The following EHMT1 variants were observed in gnomAD, a reference collection of about 807,000 sequenced individuals.
The protein encoded by EHMT1 is euchromatic histone lysine methyltransferase 1.
Under a neutral mutation model 147.2 loss-of-function variants are expected in EHMT1, and 15 were observed. The observed-to-expected ratio is 0.10, with a 90% CI of 0.07 to 0.16. EHMT1 has a LOEUF of 0.16. Ranked by LOEUF, EHMT1 falls within the 10% of genes least tolerant of loss-of-function variation. EHMT1 has a pLI of 1.00. For missense variants in EHMT1, 1,587 were observed against 1,772.4 expected (o/e 0.90, Z 1.88); for synonymous variants, 795 against 709.6 (o/e 1.12, Z -1.91).
chr9:137,779,137 A>G (rs906566585), intron 13 of EHMT1, among the ~76,000 whole-genome samples: 5 of 152,218 alleles, frequency 3.3e-5, no homozygotes, highest in African/African-American at 4.8e-5. Context: ...GGTCCACACC[A>G]TATCAGTTAT....
intron 1 of EHMT1, among the ~76,000 whole-genome samples, chr9:137,694,919 A>AG (rs1943271958): frequency 6.6e-6 from 1 of 152,220 alleles, no homozygotes; most frequent in Non-Finnish European, 1.5e-5. Context: ...GCATCAGCAT[A>AG]TTAGTGGCGG....
chr9:137,641,160 C>T (rs1844457550), intron 1 of EHMT1: 1 of 412,328 alleles, frequency 2.4e-6, no homozygotes, highest in Non-Finnish European at 4.7e-6. Flanking sequence ...AACTCATCTG[C>T]ACCTGCGTCA....
At chr9:137,642,913 G>A (rs548956847) in intron 1 of EHMT1, among the ~76,000 whole-genome samples, 104 of 152,032 alleles carry the variant, frequency 6.8e-4, no homozygotes, top group Non-Finnish European at 1.2e-3. Flanking sequence ...ACAGGGTCTC[G>A]CTCTGTCACC....
At chr9:137,684,605 C>T (rs1258128603) in intron 1 of EHMT1, among the ~76,000 whole-genome samples, 2 of 152,132 alleles carry the variant, frequency 1.3e-5, no homozygotes, top group Non-Finnish European at 2.9e-5. Context: ...AATCCTACTA[C>T]CTTAGCCTCC....
At chr9:137,814,122 C>T (rs905706787) in intron 21 of EHMT1, 67 of 369,598 alleles carry the variant, frequency 1.8e-4, no homozygotes, top group Admixed American at 4.7e-4. Context: ...CCTTTCCCAT[C>T]GAGCATCTGG....
chr9:137,719,177 G>C (rs1444032944), intron 3 of EHMT1, among the ~76,000 whole-genome samples: 1 of 152,096 alleles, frequency 6.6e-6, no homozygotes, highest in African/African-American at 2.4e-5. Flanking sequence ...GGTTCTCTTG[G>C]ACTTGACACC....
At chr9:137,758,743 C>T (rs1315397684) in intron 9 of EHMT1, among the ~76,000 whole-genome samples, 1 of 152,164 alleles carries the variant, frequency 6.6e-6, no homozygotes, top group Non-Finnish European at 1.5e-5. Flanking sequence ...TGACAAATAG[C>T]TAGCTTTTTA....
At chr9:137,824,092 T>A (rs1047318985) in intron 25 of EHMT1, among the ~76,000 whole-genome samples, 1 of 152,212 alleles carries the variant, frequency 6.6e-6, no homozygotes, top group Non-Finnish European at 1.5e-5. Flanking sequence ...TTTCTCCTTT[T>A]TTTTTAGAAG....
chr9:137,813,933 A>G lies in EHMT1; in HGVS notation c.3180+403A>G. Among the ~76,000 whole-genome samples the G allele has an allele frequency of 6.6e-6, 1 of 151,918 alleles. No homozygotes were observed. Among genetic ancestry groups the G allele is most frequent in the South Asian group, 2.1e-4 (1 of 4,808 alleles). ...CGGAGAGATGGGTCCAGCACATGCC[A>G]GCTTTCCCAGCCTCCGAGTGCATGC... On this transcript the variant is annotated intron_variant, in intron 21 of 26. Transcript: ENST00000460843. This position sits in a 1 kb window ranked among gnomAD's most constrained non-coding sequence, Gnocchi z 4.9.
At chr9:137,675,802 T>TTTTTTTTTTG (rs35541714) in intron 1 of EHMT1, among the ~76,000 whole-genome samples, 8 of 104,732 alleles carry the variant, frequency 7.6e-5, no homozygotes, top group African/African-American at 3.4e-4. Flanking sequence ...TTTTTTTTTT[T>TTTTTTTTTTG]AGACGGAGTC....
At chr9:137,697,167 G>T in intron 1 of EHMT1, 2 of 354,452 alleles carry the variant, frequency 5.6e-6, no homozygotes, top group African/African-American at 2.2e-5. Context: ...TGTAATCCCA[G>T]CTACTTGGGA....
At chr9:137,684,833 C>T (rs567471848) in intron 1 of EHMT1, among the ~76,000 whole-genome samples, 9 of 152,276 alleles carry the variant, frequency 5.9e-5, no homozygotes, top group East Asian at 3.9e-4. Context: ...AACTAGTCAA[C>T]GTCAGGAAGT....
intron 1 of EHMT1, among the ~76,000 whole-genome samples, chr9:137,692,667 T>C (rs936272386): frequency 2.6e-5 from 4 of 152,128 alleles, no homozygotes; most frequent in Non-Finnish European, 5.9e-5. Flanking sequence ...ATATCTTCCA[T>C]GTGTGGGAGG....
chr9:137,794,742 G>T (rs942913786), intron 16 of EHMT1, among the ~76,000 whole-genome samples: 3 of 151,998 alleles, frequency 2.0e-5, no homozygotes, highest in Non-Finnish European at 4.4e-5. Context: ...TTGAAACCAG[G>T]GAGGCAGTTT....
chr9:137,648,815 C>G (rs1032748377), intron 1 of EHMT1, among the ~76,000 whole-genome samples: 1 of 152,184 alleles, frequency 6.6e-6, no homozygotes, highest in African/African-American at 2.4e-5. Context: ...TCAGAAGATC[C>G]CATCAGCCTC....
At chr9:137,745,806 C>T in intron 6 of EHMT1, 1 of 342,064 alleles carries the variant, frequency 2.9e-6, no homozygotes. Context: ...TTTGATGTCA[C>T]CAGGCCACCT....
chr9:137,814,382 T>A, intron 21 of EHMT1, 49 bp from the exon 22 acceptor site: 2 of 1,590,036 alleles, frequency 1.3e-6, no homozygotes, highest in Non-Finnish European at 1.7e-6. Flanking sequence ...GGAGGGGAAA[T>A]GGAAGGCCTG....
intron 1 of EHMT1, among the ~76,000 whole-genome samples, chr9:137,635,925 A>G (rs547485868): frequency 6.8e-6 from 1 of 148,078 alleles, no homozygotes; most frequent in Non-Finnish European, 1.5e-5. Flanking sequence ...ATTAAAAAAA[A>G]TTTTTTTTTT....
At chr9:137,718,219 C>T (rs1000494247) in intron 3 of EHMT1, among the ~76,000 whole-genome samples, 2 of 152,262 alleles carry the variant, frequency 1.3e-5, no homozygotes, top group African/African-American at 2.4e-5. Flanking sequence ...TTTTCACACA[C>T]AGGGCACGCG....
Sources: allele counts gnomAD v4.1 joint callset (sites outside exome capture counted in the v4.1 genomes callset), GRCh38; gene constraint gnomAD v4.1.1; non-coding constraint Gnocchi (gnomAD v3.1); transcripts MANE v1.5; gene names NCBI Gene and HGNC (gene_info 2026-07-23, HGNC 2026-07-21).